FARP2: variants seen among roughly 807,000 people sequenced by gnomAD.
FARP2 encodes the protein FERM, ARH/RhoGEF and pleckstrin domain protein 2.
In FARP2, 111 loss-of-function variants were observed where a neutral mutation model predicts 130.5. That is an observed-to-expected ratio of 0.85 (90% CI 0.73 to 1.00). The LOEUF is 1.00. Ranked by LOEUF, FARP2 falls within the 50% of genes least tolerant of loss-of-function variation. FARP2 has a pLI of 0.00. For synonymous variants in FARP2, 504 were observed against 516.9 expected, an observed-to-expected ratio of 0.98 and a Z score of 0.34; for missense variants, 1,385 against 1,346.3, an observed-to-expected ratio of 1.03 and a Z score of -0.45.
rs377434237 is a variant in FARP2 at position 241,488,478 on chromosome 2, A to T, written c.2422-1484A>T. 8 of 142,396 alleles carry T rather than the reference A, an allele frequency of 5.6e-5. No homozygotes were observed. The East Asian group carries it at 6.1e-4, about 11-fold the overall frequency. 8.8% of individuals were successfully genotyped at this position (142,396 alleles called of 1,614,324 possible). ...GTGTCCCAGGCTGGAGTGCCCAGGC[A>T]CGATCTCGGCTCACTGCAAACTCCG... On this transcript the variant is annotated intron_variant, in intron 21 of 26. Coordinates refer to ENST00000264042, the MANE Select transcript of FARP2 (RefSeq NM_014808.4).
At chr2:241,378,567 C>T (rs1276157112) in intron 2 of FARP2, among the ~76,000 whole-genome samples, 2 of 152,002 alleles carry the variant, frequency 1.3e-5, no homozygotes, top group African/African-American at 2.4e-5. Flanking sequence ...CGTGTACCAC[C>T]ATGCTGGCTA....
intron 12 of FARP2, among the ~76,000 whole-genome samples, chr2:241,440,701 TACTC>T (rs1187977968): frequency 1.3e-5 from 2 of 152,218 alleles, no homozygotes; most frequent in African/African-American, 4.8e-5. Flanking sequence ...TTGGACTTGT[TACTC>T]ACCTGTCAGT....
At chr2:241,476,130 T>C (rs1430234437) in intron 19 of FARP2, 143 bp downstream of exon 19, 2 of 672,912 alleles carry the variant, frequency 3.0e-6, no homozygotes, top group South Asian at 2.1e-5. Flanking sequence ...CTGAATACTT[T>C]GGGAGGCTGA....
chr2:241,374,399 C>G (rs1292682547), intron 2 of FARP2, among the ~76,000 whole-genome samples: 1 of 152,162 alleles, frequency 6.6e-6, no homozygotes, highest in African/African-American at 2.4e-5. Flanking sequence ...CAAGTAACAT[C>G]TTTAGAAGCT....
chr2:241,469,333 C>T (rs1450064737), intron 18 of FARP2, among the ~76,000 whole-genome samples: 1 of 152,126 alleles, frequency 6.6e-6, no homozygotes, highest in Admixed American at 6.5e-5. Flanking sequence ...GATCCGCCTG[C>T]CTCAACCTCC....
At chr2:241,356,566 G>A (rs1391222324) in intron 1 of FARP2, among the ~76,000 whole-genome samples, 178 bp downstream of exon 1, 2 of 152,216 alleles carry the variant, frequency 1.3e-5, no homozygotes, top group Non-Finnish European at 2.9e-5. Context: ...GCTCCTAGGC[G>A]GGTCCGGGTT....
At chr2:241,469,002 C>A (rs1037054738) in intron 18 of FARP2, among the ~76,000 whole-genome samples, 1 of 151,994 alleles carries the variant, frequency 6.6e-6, no homozygotes, top group African/African-American at 2.4e-5. Context: ...CTAATGGGGA[C>A]CTATTCTAAT....
At chr2:241,461,298 C>T (rs2064010438) in intron 14 of FARP2, among the ~76,000 whole-genome samples, 1 of 151,962 alleles carries the variant, frequency 6.6e-6, no homozygotes, top group Non-Finnish European at 1.5e-5. Flanking sequence ...CAAGCCAGTG[C>T]TGTCTCGCCG....
intron 1 of FARP2, among the ~76,000 whole-genome samples, chr2:241,366,583 C>T (rs1575454423): frequency 6.6e-6 from 1 of 152,014 alleles, no homozygotes; most frequent in Non-Finnish European, 1.5e-5. Flanking sequence ...AAGTGATCTT[C>T]CTTTTCTTGC....
intron 9 of FARP2, chr2:241,432,269 G>A (rs2063112112): frequency 6.6e-6 from 1 of 152,466 alleles, no homozygotes; most frequent in African/African-American, 2.4e-5. Flanking sequence ...AGGGGCTGAG[G>A]GCAGTCTGCC....
chr2:241,477,322 G>A (rs1407613309), intron 19 of FARP2, among the ~76,000 whole-genome samples: 1 of 151,998 alleles, frequency 6.6e-6, no homozygotes, highest in African/African-American at 2.4e-5. Context: ...CAGAGACAGG[G>A]TTTCACCATG....
intron 7 of FARP2, among the ~76,000 whole-genome samples, chr2:241,415,421 C>T (rs956272124): frequency 3.9e-5 from 6 of 152,154 alleles, no homozygotes; most frequent in Admixed American, 2.0e-4. Flanking sequence ...ATAGTCTCTC[C>T]CTGCTGAGAC....
chr2:241,380,639 T>G (rs1284630429), intron 2 of FARP2, among the ~76,000 whole-genome samples: 1 of 151,564 alleles, frequency 6.6e-6, no homozygotes, highest in African/African-American at 2.4e-5. Flanking sequence ...GCACTAAAAT[T>G]TTTTGAATTT....
intron 13 of FARP2, among the ~76,000 whole-genome samples, chr2:241,452,042 C>G (rs376363962): frequency 1.3e-5 from 2 of 152,106 alleles, no homozygotes; most frequent in East Asian, 3.8e-4. Flanking sequence ...GGCGTAAGCC[C>G]GGCCAACATC....
intron 2 of FARP2, among the ~76,000 whole-genome samples, chr2:241,384,539 T>G (rs1367661498): frequency 6.6e-6 from 1 of 152,206 alleles, no homozygotes; most frequent in African/African-American, 2.4e-5. Flanking sequence ...TAAAATATAT[T>G]TCTTTGAAAT....
intron 13 of FARP2, among the ~76,000 whole-genome samples, chr2:241,449,932 G>A (rs1447942557): frequency 6.6e-6 from 1 of 151,660 alleles, no homozygotes; most frequent in African/African-American, 2.4e-5. Flanking sequence ...ACTTGAACCC[G>A]GGAGGCAGAG....
chr2:241,384,284 A>G lies in FARP2; in HGVS notation c.183+10994A>G, dbSNP rs958924854. 4.1e-4 allele frequency among the ~76,000 whole-genome samples: 63 copies of G among 152,172 alleles called. 4 individuals are homozygous for G. Among genetic ancestry groups the G allele is most frequent in the Non-Finnish European group, 1.5e-5 (1 of 68,016 alleles). On this transcript the variant is annotated intron_variant, in intron 2 of 26. Transcript: ENST00000264042. ...TGGAATGCTCTGGAATGTTCTATGC[A>G]CATGAATGATGCTTTACATGTACAG...
intron 2 of FARP2, among the ~76,000 whole-genome samples, chr2:241,390,187 C>T (rs1033293605): frequency 2.0e-5 from 3 of 152,232 alleles, no homozygotes; most frequent in African/African-American, 7.2e-5. Flanking sequence ...TGCTCTGTCC[C>T]TATTGCTAGT....
intron 12 of FARP2, among the ~76,000 whole-genome samples, chr2:241,438,941 T>C (rs1035187518): frequency 2.6e-5 from 4 of 152,128 alleles, no homozygotes; most frequent in African/African-American, 9.7e-5. Flanking sequence ...CTCTTTTAGA[T>C]ATGTTTCCTC....
Sources: gnomAD v4.1 joint callset for allele counts (sites outside exome capture counted in the v4.1 genomes callset) on GRCh38, gnomAD v4.1.1 for gene constraint, MANE v1.5 for transcripts, NCBI Gene and HGNC (gene_info 2026-07-23, HGNC 2026-07-21) for gene names.